KCTD8: variants seen among roughly 807,000 people sequenced by gnomAD.
KCTD8 encodes the protein potassium channel tetramerization domain containing 8, also known as BTB/POZ domain-containing protein KCTD8.
KCTD8 carries 27 observed loss-of-function variants against 31.5 expected under a neutral mutation model. The observed-to-expected ratio is 0.86, with a 90% confidence interval of 0.63 to 1.18. KCTD8 has a LOEUF of 1.18. KCTD8 is among the 50% of genes most tolerant of loss of function. The probability of loss-of-function intolerance (pLI) is 0.00; values close to 1 mark genes in which losing one functional copy is unlikely to be tolerated. For synonymous variants in KCTD8, 290 were observed against 280.0 expected (o/e 1.04, Z -0.36); for missense variants, 658 against 647.7 (o/e 1.02, Z -0.17).
chr4:44,377,209 T>C (rs1719937482), intron 1 of KCTD8, among the ~76,000 whole-genome samples: 1 of 152,264 alleles, frequency 6.6e-6, no homozygotes. Context: ...TGTAGAGAGA[T>C]GGGTTCCATA....
intron 1 of KCTD8, among the ~76,000 whole-genome samples, chr4:44,287,140 G>T (rs772856369): frequency 9.2e-5 from 14 of 152,034 alleles, no homozygotes; most frequent in Non-Finnish European, 1.8e-4. Context: ...TTAGAGGCTG[G>T]GTGTGGTGGC....
chr4:44,326,592 G>A (rs1318413169), intron 1 of KCTD8, among the ~76,000 whole-genome samples: 7 of 151,572 alleles, frequency 4.6e-5, no homozygotes, highest in Non-Finnish European at 2.9e-5. Flanking sequence ...TCACATTTTT[G>A]CTCCTCTTTT....
intron 1 of KCTD8, among the ~76,000 whole-genome samples, chr4:44,389,449 T>C (rs11932424): frequency 0.82 from 124,809 of 151,578 alleles, 51,587 homozygotes; most frequent in South Asian, 0.87. Flanking sequence ...ATGACATAGT[T>C]GTAGGACTAT....
intron 1 of KCTD8, among the ~76,000 whole-genome samples, chr4:44,303,018 C>T (rs954503792): frequency 1.3e-5 from 2 of 152,102 alleles, no homozygotes; most frequent in Non-Finnish European, 2.9e-5. Context: ...TGCTGGATTA[C>T]ATTTATTTAT....
intron 1 of KCTD8, among the ~76,000 whole-genome samples, chr4:44,390,956 G>T (rs895036181): frequency 4.0e-5 from 6 of 151,882 alleles, no homozygotes; most frequent in Non-Finnish European, 8.8e-5. Context: ...CAGAGGAAAA[G>T]AAGTCATTAT....
At chr4:44,414,199 G>T (rs1299473440) in intron 1 of KCTD8, among the ~76,000 whole-genome samples, 1 of 142,916 alleles carries the variant, frequency 7.0e-6, no homozygotes, top group Non-Finnish European at 1.5e-5. Context: ...ACAGAGTCCT[G>T]AAAAAAAAAA....
At chr4:44,325,384 T>C (rs1474510479) in intron 1 of KCTD8, among the ~76,000 whole-genome samples, 1 of 151,978 alleles carries the variant, frequency 6.6e-6, no homozygotes, top group Non-Finnish European at 1.5e-5. Flanking sequence ...TCTAGGTTCT[T>C]GTGAACATAT....
chr4:44,211,841 T>A (rs1714493041), intron 1 of KCTD8, among the ~76,000 whole-genome samples: 1 of 152,156 alleles, frequency 6.6e-6, no homozygotes, highest in Non-Finnish European at 1.5e-5. Flanking sequence ...TGTATTTGTA[T>A]ATTTTGTATG....
intron 1 of KCTD8, among the ~76,000 whole-genome samples, chr4:44,370,765 A>C (rs1211330043): frequency 1.3e-5 from 2 of 152,174 alleles, no homozygotes; most frequent in Non-Finnish European, 2.9e-5. Flanking sequence ...GCTAAAAGAA[A>C]AGTGCAAAAA....
At chr4:44,314,570 A>C (rs1479990724) in intron 1 of KCTD8, among the ~76,000 whole-genome samples, 1 of 152,166 alleles carries the variant, frequency 6.6e-6, no homozygotes, top group Non-Finnish European at 1.5e-5. Context: ...TCTGCCTGAC[A>C]CAATCTAAAT....
chr4:44,391,338 G>A (rs1454784037), intron 1 of KCTD8, among the ~76,000 whole-genome samples: 1 of 151,672 alleles, frequency 6.6e-6, no homozygotes, highest in African/African-American at 2.4e-5. Context: ...TTTAAAAAGA[G>A]TTATATCAAT....
At chr4:44,400,997 G>A (rs1000131631) in intron 1 of KCTD8, among the ~76,000 whole-genome samples, 11 of 147,776 alleles carry the variant, frequency 7.4e-5, no homozygotes, top group Admixed American at 5.5e-4. Flanking sequence ...CTACCATGAT[G>A]GCTAATTTTC....
At chr4:44,347,422 A>C (rs972326805) in intron 1 of KCTD8, among the ~76,000 whole-genome samples, 1 of 152,190 alleles carries the variant, frequency 6.6e-6, no homozygotes, top group African/African-American at 2.4e-5. Flanking sequence ...ATAAGAGTAC[A>C]TCCTTGAAGA....
chr4:44,254,829 T>C (rs993043113), intron 1 of KCTD8, among the ~76,000 whole-genome samples: 1 of 151,846 alleles, frequency 6.6e-6, no homozygotes, highest in African/African-American at 2.4e-5. Context: ...AGGAGGACAG[T>C]CTGGTATCAT....
intron 1 of KCTD8, among the ~76,000 whole-genome samples, chr4:44,331,788 ATC>A (rs1282678612): frequency 1.3e-5 from 2 of 149,250 alleles, no homozygotes; most frequent in African/African-American, 2.4e-5. Flanking sequence ...AATAATCCAC[ATC>A]TCTCTCTGTG....
chr4:44,186,805 C>T (rs1004112622), intron 1 of KCTD8, among the ~76,000 whole-genome samples: 1 of 152,206 alleles, frequency 6.6e-6, no homozygotes, highest in Admixed American at 6.5e-5. Flanking sequence ...TGAAGCATCA[C>T]CACATGGCTA....
chr4:44,302,916 T>A (rs1423996845), intron 1 of KCTD8, among the ~76,000 whole-genome samples: 2 of 152,026 alleles, frequency 1.3e-5, no homozygotes, highest in Non-Finnish European at 2.9e-5. Context: ...TTCTTGAGAG[T>A]TTTTAGCATG....
chr4:44,270,663 G>C (rs1189875033), intron 1 of KCTD8, among the ~76,000 whole-genome samples: 1 of 152,046 alleles, frequency 6.6e-6, no homozygotes, highest in Non-Finnish European at 1.5e-5. Context: ...AAAAAATATA[G>C]GTGATGTATT....
intron 1 of KCTD8, among the ~76,000 whole-genome samples, chr4:44,425,784 A>AGTCTG (rs981102856): frequency 5.3e-5 from 8 of 151,992 alleles, no homozygotes; most frequent in African/African-American, 1.9e-4. Context: ...CATTATAAGA[A>AGTCTG]GTCTGGGAAA....
Sources: gnomAD v4.1 joint callset for allele counts (sites outside exome capture counted in the v4.1 genomes callset) on GRCh38, gnomAD v4.1.1 for gene constraint, MANE v1.5 for transcripts, NCBI Gene and HGNC (gene_info 2026-07-23, HGNC 2026-07-21) for gene names.